The following CPNE8 variants were observed in gnomAD, a reference collection of about 807,000 sequenced individuals.
The protein encoded by CPNE8 is copine 8.
CPNE8 carries 45 observed loss-of-function variants against 81.5 expected under a neutral mutation model. The ratio of observed to expected loss-of-function variants is 0.55; its 90% CI spans 0.44 to 0.71. CPNE8 has a LOEUF of 0.71. Ranked by LOEUF, CPNE8 falls within the 30% of genes least tolerant of loss-of-function variation. The pLI is 0.00. For synonymous variants in CPNE8, 252 were observed against 226.3 expected (o/e 1.11, Z -1.02); for missense variants, 594 against 672.1 (o/e 0.88, Z 1.28).
chr12:38,797,608 G>C (rs892511568), intron 6 of CPNE8, among the ~76,000 whole-genome samples: 14 of 152,150 alleles, frequency 9.2e-5, no homozygotes, highest in Non-Finnish European at 1.6e-4. Context: ...AAAAAACAGA[G>C]CAGAAAAACT....
intron 6 of CPNE8, among the ~76,000 whole-genome samples, chr12:38,810,492 A>G (rs1942913039): frequency 1.3e-5 from 2 of 152,102 alleles, no homozygotes; most frequent in Admixed American, 1.3e-4. Context: ...CCATTTGGGT[A>G]AGCTGAGTAT....
intron 6 of CPNE8, among the ~76,000 whole-genome samples, chr12:38,801,008 G>A (rs1286381789): frequency 4.6e-5 from 7 of 150,572 alleles, no homozygotes; most frequent in African/African-American, 1.7e-4. Flanking sequence ...GGGACTACGT[G>A]AAAAGACCAC....
intron 7 of CPNE8, 25 bp downstream of exon 7, chr12:38,776,213 C>A: frequency 7.4e-7 from 1 of 1,355,858 alleles, no homozygotes; most frequent in South Asian, 1.4e-5. Flanking sequence ...GAAGTATTTT[C>A]TAAACCAAAG....
intron 10 of CPNE8, among the ~76,000 whole-genome samples, chr12:38,733,275 T>C (rs1012523941): frequency 3.3e-5 from 5 of 151,954 alleles, no homozygotes; most frequent in African/African-American, 1.2e-4. Context: ...ATACTATACA[T>C]TAAATCACAG....
chr12:38,784,092 G>A (rs1324680125), intron 6 of CPNE8, among the ~76,000 whole-genome samples: 4 of 152,156 alleles, frequency 2.6e-5, no homozygotes, highest in Non-Finnish European at 4.4e-5. Flanking sequence ...AAAAATAGCT[G>A]TTTTGAGGGA....
At chr12:38,802,724 T>G (rs1262527684) in intron 6 of CPNE8, among the ~76,000 whole-genome samples, 1 of 151,304 alleles carries the variant, frequency 6.6e-6, no homozygotes, top group Non-Finnish European at 1.5e-5. Flanking sequence ...AGGAGCTGGT[T>G]TTTTGAAAGG....
intron 3 of CPNE8, among the ~76,000 whole-genome samples, chr12:38,856,146 T>C (rs1943730416): frequency 6.6e-6 from 1 of 151,880 alleles, no homozygotes; most frequent in Non-Finnish European, 1.5e-5. Context: ...GGCTGAACCA[T>C]GAAAAGATAG....
At position 38,743,472 on chromosome 12, in the gene CPNE8, T is replaced by C. The variant is rs557971840; in HGVS notation, c.723-13114A>G. ...ATCCAAAATATTTTAAAAGATCTTA[T>C]GCCACAAAAAAAGTATGGCTTCCCT... On this transcript the variant is annotated intron_variant, in intron 10 of 19. Coordinates refer to ENST00000331366, the MANE Select transcript of CPNE8 (RefSeq NM_153634.3). Among the ~76,000 whole-genome samples, 107 of 152,232 alleles carry C rather than the reference T, an allele frequency of 7.0e-4. 1 individual carries two copies. The highest frequency in any genetic ancestry group is 1.4e-3 in the Non-Finnish European group (94 of 67,976).
At chr12:38,724,463 C>A (rs528135946) in intron 12 of CPNE8, among the ~76,000 whole-genome samples, 1 of 152,140 alleles carries the variant, frequency 6.6e-6, no homozygotes, top group Non-Finnish European at 1.5e-5. Context: ...ACACATCCCA[C>A]GAAACGAGTC....
intron 15 of CPNE8, among the ~76,000 whole-genome samples, chr12:38,688,672 C>T (rs1284957633): frequency 2.6e-5 from 4 of 151,748 alleles, no homozygotes; most frequent in African/African-American, 7.3e-5. Context: ...ATGGCATTCA[C>T]GGCAACCTAG....
intron 15 of CPNE8, among the ~76,000 whole-genome samples, chr12:38,692,368 C>T (rs952168963): frequency 6.6e-6 from 1 of 151,912 alleles, no homozygotes; most frequent in African/African-American, 2.4e-5. Context: ...GGTTGAGTAT[C>T]CCTTAGCTGA....
intron 6 of CPNE8, among the ~76,000 whole-genome samples, chr12:38,808,489 C>A (rs71463389): frequency 6.6e-6 from 1 of 150,804 alleles, no homozygotes; most frequent in African/African-American, 2.4e-5. Context: ...CATTCTCAGT[C>A]AACTATCACA....
At chr12:38,662,290 T>C (rs749058083) in intron 19 of CPNE8, among the ~76,000 whole-genome samples, 4 of 152,092 alleles carry the variant, frequency 2.6e-5, no homozygotes, top group Non-Finnish European at 4.4e-5. Flanking sequence ...TCGGAACTAA[T>C]AAGTGAATTC....
At chr12:38,690,218 A>C (rs1939642682) in intron 15 of CPNE8, among the ~76,000 whole-genome samples, 1 of 152,220 alleles carries the variant, frequency 6.6e-6, no homozygotes, top group South Asian at 2.1e-4. Flanking sequence ...GTAGTTCATG[A>C]AAGACAAGAC....
chr12:38,897,805 ATT>A (rs895661594), intron 1 of CPNE8, among the ~76,000 whole-genome samples: 21 of 152,202 alleles, frequency 1.4e-4, no homozygotes, highest in African/African-American at 5.1e-4. Context: ...CTTTGTAATC[ATT>A]GAGTGCTTAA....
chr12:38,842,998 T>C (rs1246353981), intron 4 of CPNE8, among the ~76,000 whole-genome samples: 1 of 152,248 alleles, frequency 6.6e-6, no homozygotes, highest in Non-Finnish European at 1.5e-5. Flanking sequence ...CTGGTTACAA[T>C]GTATACGTGT....
At chr12:38,720,623 G>A (rs1940537068) in intron 13 of CPNE8, 1 of 151,946 alleles carries the variant, frequency 6.6e-6, no homozygotes, top group Non-Finnish European at 1.5e-5. Context: ...AAGTTATAAA[G>A]AAGGTGCTAA....
intron 1 of CPNE8, among the ~76,000 whole-genome samples, chr12:38,904,879 A>AGGAG (rs1487356007): frequency 6.6e-6 from 1 of 152,176 alleles, no homozygotes; most frequent in Admixed American, 6.5e-5. Context: ...TTCGTCTGCA[A>AGGAG]GGAGGGCCGA....
At chr12:38,733,142 A>T (rs1445524962) in intron 10 of CPNE8, among the ~76,000 whole-genome samples, 1 of 152,004 alleles carries the variant, frequency 6.6e-6, no homozygotes, top group Admixed American at 6.6e-5. Flanking sequence ...CATTGTCTCA[A>T]GAATATATCT....
Sources: allele counts gnomAD v4.1 joint callset (sites outside exome capture counted in the v4.1 genomes callset), GRCh38; gene constraint gnomAD v4.1.1; transcripts MANE v1.5; gene names NCBI Gene and HGNC (gene_info 2026-07-23, HGNC 2026-07-21).